The following CDC123 variants were observed in gnomAD, a reference collection of about 807,000 sequenced individuals.
CDC123 encodes cell division cycle 123.
A neutral mutation model predicts 54.4 loss-of-function variants in CDC123; 37 were observed. The observed-to-expected ratio is 0.68, with a 90% confidence interval of 0.52 to 0.89. The LOEUF is 0.89. CDC123 is among the 40% of genes least tolerant of loss of function. CDC123 has a pLI of 0.00. For missense variants in CDC123, 361 were observed against 412.1 expected, an observed-to-expected ratio of 0.88 and a Z score of 1.07; for synonymous variants, 144 against 136.8, an observed-to-expected ratio of 1.05 and a Z score of -0.37.
Position 12,228,907 on chromosome 10 carries a change from G to T in CDC123, c.441-2041G>T, listed in dbSNP as rs1457652647. Among the ~76,000 whole-genome samples, 10 of 151,952 alleles carry T rather than the reference G, an allele frequency of 6.6e-5. 1 individual carries two copies. Among genetic ancestry groups the T allele is most frequent in the Non-Finnish European group, 1.2e-4 (8 of 67,986 alleles). On this transcript the variant is annotated intron_variant, in intron 6 of 12. Coordinates refer to ENST00000281141, the MANE Select transcript of CDC123 (RefSeq NM_006023.3). ...TTTTTGTATTTTTTGTAGAGACAGGGTTTTGCCATGTTGCTCAGACTGGTC... is the reference window on the plus strand; with the variant it reads ...TTTTTGTATTTTTTGTAGAGACAGGTTTTTGCCATGTTGCTCAGACTGGTC...
At chr10:12,242,981 A>C (rs545043133) in intron 10 of CDC123, among the ~76,000 whole-genome samples, 14 of 151,858 alleles carry the variant, frequency 9.2e-5, no homozygotes, top group African/African-American at 3.4e-4. Context: ...TGATCCTCCT[A>C]GTTTATAGAA....
rs2131758606 is a variant in CDC123 at position 12,235,104 on chromosome 10, C to T, written c.546C>T (p.Val182=). The change falls in exon 8 of 13, where the codon GTC becomes GTT. Residue 182 remains valine, a synonymous_variant. Transcript: ENST00000281141. ...LIPGAEFRCF[V]KENKLIGISQ... ...CTGGGGCTGAGTTTCGATGTTTTGT[C>T]AAGGAAAACAAGCTTATTGGTGAGT... The T allele has an allele frequency of 6.2e-7, 1 of 1,613,342 alleles. No homozygotes were observed. The highest frequency in any genetic ancestry group is 1.1e-5 in the South Asian group (1 of 91,066).
intron 7 of CDC123, among the ~76,000 whole-genome samples, chr10:12,233,190 G>A (rs1835925863): frequency 6.6e-6 from 1 of 151,716 alleles, no homozygotes. Flanking sequence ...AAAATTGTAG[G>A]AAAGTGATAC....
chr10:12,235,764 G>C (rs942471223), intron 8 of CDC123, among the ~76,000 whole-genome samples: 4 of 152,210 alleles, frequency 2.6e-5, no homozygotes, highest in African/African-American at 7.2e-5. Context: ...ATGTTGAAAT[G>C]TATGAACCCA....
intron 10 of CDC123, chr10:12,244,648 C>CTTTTTT (rs33998192): frequency 4.0e-5 from 5 of 125,938 alleles, no homozygotes; most frequent in African/African-American, 5.9e-5. Flanking sequence ...TTTCTTTTTT[C>CTTTTTT]TTTTTTTTTT....
At chr10:12,238,742 A>G (rs1279154557) in intron 10 of CDC123, among the ~76,000 whole-genome samples, 1 of 151,968 alleles carries the variant, frequency 6.6e-6, no homozygotes, top group Non-Finnish European at 1.5e-5. Context: ...AGCCCAGGCC[A>G]GGCACAGTGG....
intron 11 of CDC123, among the ~76,000 whole-genome samples, chr10:12,248,423 T>C (rs532977781): frequency 5.7e-4 from 80 of 139,140 alleles, no homozygotes; most frequent in African/African-American, 2.0e-3. Flanking sequence ...GCAGGAGAAT[T>C]GCTTGAACCT....
intron 1 of CDC123, among the ~76,000 whole-genome samples, chr10:12,196,679 T>C (rs1194213632): frequency 6.6e-6 from 1 of 152,036 alleles, no homozygotes; most frequent in Non-Finnish European, 1.5e-5. Flanking sequence ...AGGATGGAGA[T>C]TGGGAAGGTG....
chr10:12,211,383 G>A (rs1362016365), intron 4 of CDC123, among the ~76,000 whole-genome samples: 2 of 152,012 alleles, frequency 1.3e-5, no homozygotes, highest in African/African-American at 4.8e-5. Context: ...AACAAGATAT[G>A]ATTGCCAGGA....
rs1343415309 is a variant in CDC123 at position 12,232,242 on chromosome 10, C to G, written c.489+1246C>G. On this transcript the variant is annotated intron_variant, in intron 7 of 12. Transcript: ENST00000281141. ...CAAACTTTTAGAAACTTTGACGGCTCATAGTTTGTTGCAAAGAGGATGGCC... is the reference window on the plus strand; with the variant it reads ...CAAACTTTTAGAAACTTTGACGGCTGATAGTTTGTTGCAAAGAGGATGGCC... 2.6e-5 allele frequency among the ~76,000 whole-genome samples: 4 copies of G among 152,196 alleles called. No individual in the cohort carries two copies. The East Asian group carries it at 7.7e-4, about 29-fold the overall frequency.
chr10:12,227,041 G>A (rs937571058), intron 6 of CDC123, among the ~76,000 whole-genome samples: 3 of 152,180 alleles, frequency 2.0e-5, no homozygotes, highest in Non-Finnish European at 4.4e-5. Context: ...ATCACTCGCG[G>A]TTAGGAGCTG....
chr10:12,231,070 GAAAT>G (rs1835896884), intron 7 of CDC123, 74 bp downstream of exon 7: 14 of 1,343,398 alleles, frequency 1.0e-5, no homozygotes, highest in Non-Finnish European at 1.4e-5. Context: ...TAAGTGAAAT[GAAAT>G]GAATGAAGTT....
chr10:12,209,667 C>G (rs1835569368), intron 2 of CDC123, among the ~76,000 whole-genome samples: 1 of 152,184 alleles, frequency 6.6e-6, no homozygotes, highest in African/African-American at 2.4e-5. Flanking sequence ...TTCAAGTGAT[C>G]AGTCCTCCCA....
intron 4 of CDC123, among the ~76,000 whole-genome samples, chr10:12,214,624 T>C (rs999775829): frequency 6.6e-6 from 1 of 152,218 alleles, no homozygotes; most frequent in Non-Finnish European, 1.5e-5. Flanking sequence ...CAAAGCTGTT[T>C]CTTGTTTTGG....
At chr10:12,249,741 A>T in intron 12 of CDC123, 23 bp downstream of exon 12, 1 of 1,575,512 alleles carries the variant, frequency 6.3e-7, no homozygotes, top group Non-Finnish European at 8.6e-7. Context: ...TGCATTTAGT[A>T]TGCTGGCCAT....
chr10:12,236,744 A>T (rs926724272), intron 8 of CDC123, among the ~76,000 whole-genome samples: 1 of 152,022 alleles, frequency 6.6e-6, no homozygotes, highest in South Asian at 2.1e-4. Context: ...ACAAAAAAAA[A>T]TTTGCTGGGT....
chr10:12,217,137 T>G (rs1835674109), intron 5 of CDC123, among the ~76,000 whole-genome samples: 1 of 152,214 alleles, frequency 6.6e-6, no homozygotes, highest in Admixed American at 6.5e-5. Context: ...GGCTGAAATG[T>G]GAGGACCCTG....
chr10:12,240,371 T>C (rs1198191178), intron 10 of CDC123, among the ~76,000 whole-genome samples: 1 of 152,220 alleles, frequency 6.6e-6, no homozygotes, highest in East Asian at 1.9e-4. Flanking sequence ...TCTCCGTGCT[T>C]AGATCAGCCT....
intron 9 of CDC123, 58 bp from the exon 10 acceptor site, chr10:12,238,399 G>T: frequency 6.4e-7 from 1 of 1,557,918 alleles, no homozygotes; most frequent in Non-Finnish European, 8.7e-7. Context: ...TTTTCAAAAG[G>T]AGATTTACAT....
Sources: allele counts gnomAD v4.1 joint callset (sites outside exome capture counted in the v4.1 genomes callset), GRCh38; gene constraint gnomAD v4.1.1; transcripts MANE v1.5; gene names NCBI Gene and HGNC (gene_info 2026-07-23, HGNC 2026-07-21).